Variants in AFF3 observed in about 807,000 individuals in gnomAD.
AFF3 encodes the protein ALF transcription elongation factor 3.
In AFF3, 32 loss-of-function variants were observed where a neutral mutation model predicts 129.7. That is an observed-to-expected ratio of 0.25 (90% CI 0.19 to 0.33). AFF3 has a LOEUF of 0.33. Ranked by LOEUF, AFF3 falls within the 10% of genes least tolerant of loss-of-function variation. The probability of loss-of-function intolerance (pLI) is 1.00; values close to 1 mark genes in which losing one functional copy is unlikely to be tolerated. For synonymous variants in AFF3, 644 were observed against 635.4 expected, an observed-to-expected ratio of 1.01 and a Z score of -0.20; for missense variants, 1,373 against 1,592.0, an observed-to-expected ratio of 0.86 and a Z score of 2.34.
At chr2:99,628,205 A>G (rs1445488682) in intron 13 of AFF3, among the ~76,000 whole-genome samples, 1 of 152,200 alleles carries the variant, frequency 6.6e-6, no homozygotes. Flanking sequence ...AAAGCATAAA[A>G]TGTTTATTCA....
At chr2:99,595,903 T>C (rs1679239287) in intron 14 of AFF3, among the ~76,000 whole-genome samples, 1 of 152,170 alleles carries the variant, frequency 6.6e-6, no homozygotes, top group Admixed American at 6.5e-5. Flanking sequence ...CCAAACCAGA[T>C]GGGACCAACT....
intron 7 of AFF3, among the ~76,000 whole-genome samples, chr2:99,863,521 A>G (rs1486059556): frequency 6.6e-6 from 1 of 152,226 alleles, no homozygotes; most frequent in East Asian, 1.9e-4. Flanking sequence ...GAGATACTGG[A>G]AAAATATTTG....
At chr2:99,887,366 G>T (rs1038145670) in intron 7 of AFF3, among the ~76,000 whole-genome samples, 1 of 152,176 alleles carries the variant, frequency 6.6e-6, no homozygotes, top group African/African-American at 2.4e-5. Context: ...TCATCTTTCA[G>T]CAAGAAAGAC....
rs150146115 is a variant in AFF3 at position 99,572,419 on chromosome 2, C to T, written c.2919-3504G>A. On this transcript the variant is annotated intron_variant, in intron 18 of 24. Transcript: ENST00000672756. ...CTTGCTTTTTGTTCTCCTTTGTGGCCGGGATAGAGTTGAATGGTCTCCCAC... is the reference window on the plus strand; with the variant it reads ...CTTGCTTTTTGTTCTCCTTTGTGGCTGGGATAGAGTTGAATGGTCTCCCAC... Among the ~76,000 whole-genome samples the T allele has an allele frequency of 6.2e-3, 942 of 151,438 alleles. 7 individuals are homozygous for T. The highest frequency in any genetic ancestry group is 0.021 in the African/African-American group (886 of 41,248).
At chr2:99,561,258 G>A (rs1429317245) in intron 20 of AFF3, among the ~76,000 whole-genome samples, 10 of 152,178 alleles carry the variant, frequency 6.6e-5, no homozygotes, top group East Asian at 1.9e-4. Flanking sequence ...CTAAGATAGC[G>A]TTTGTAAAGC....
chr2:100,114,496 C>T (rs1443449424), intron 2 of AFF3, among the ~76,000 whole-genome samples: 2 of 152,176 alleles, frequency 1.3e-5, no homozygotes, highest in East Asian at 3.9e-4. Context: ...AGTCTCCTAC[C>T]TCAGCCTCCC....
intron 10 of AFF3, among the ~76,000 whole-genome samples, chr2:99,735,320 A>C (rs929041141): frequency 1.3e-5 from 2 of 151,204 alleles, no homozygotes; most frequent in African/African-American, 4.9e-5. Flanking sequence ...AACTTCATTG[A>C]ATAAACTTTT....
chr2:99,936,085 A>T (rs1674499051), intron 7 of AFF3, among the ~76,000 whole-genome samples: 1 of 152,226 alleles, frequency 6.6e-6, no homozygotes, highest in Non-Finnish European at 1.5e-5. Flanking sequence ...CTAAAATCAG[A>T]AGAGGAAGAT....
At chr2:99,780,544 C>T (rs1490962889) in intron 8 of AFF3, among the ~76,000 whole-genome samples, 1 of 152,170 alleles carries the variant, frequency 6.6e-6, no homozygotes, top group Non-Finnish European at 1.5e-5. Context: ...CGCCTGAATG[C>T]CAAACTTGTG....
chr2:99,974,944 A>G (rs1238970016), intron 7 of AFF3, among the ~76,000 whole-genome samples: 1 of 152,228 alleles, frequency 6.6e-6, no homozygotes, highest in Admixed American at 6.5e-5. Context: ...GGAAGAAAAC[A>G]TCATCAGGTT....
intron 2 of AFF3, chr2:100,106,498 T>C (rs1691305383): frequency 3.0e-6 from 3 of 1,001,868 alleles, no homozygotes; most frequent in Non-Finnish European, 3.6e-6. Context: ...TTGTTGGAAA[T>C]GTTTGCTTTG....
intron 13 of AFF3, among the ~76,000 whole-genome samples, chr2:99,629,032 A>G (rs373539298): frequency 4.0e-5 from 6 of 150,890 alleles, no homozygotes; most frequent in African/African-American, 1.5e-4. Context: ...TAATTTTTGT[A>G]TTTTTAGTAG....
At chr2:100,099,701 C>A (rs1218971045) in intron 4 of AFF3, among the ~76,000 whole-genome samples, 1 of 152,164 alleles carries the variant, frequency 6.6e-6, no homozygotes, top group Non-Finnish European at 1.5e-5. Flanking sequence ...GGCTTATTCT[C>A]CTATTAAGTT....
At position 99,593,796 on chromosome 2, in the gene AFF3, G is replaced by T. The variant is rs774534077; in HGVS notation, c.1865C>A (p.Pro622Gln). 1 of 1,611,202 alleles carries T rather than the reference G, an allele frequency of 6.2e-7. No individual in the cohort carries two copies. The highest frequency in any genetic ancestry group is 8.5e-7 in the Non-Finnish European group (1 of 1,179,526). The change falls in exon 15 of 25, where the codon CCG becomes CAG. Residue 622 changes from proline to glutamine, a missense_variant. Around this residue, in one of 9 missense-constraint regions of AFF3, gnomAD observed 466 missense variants for 505.0 expected, o/e 0.92. Coordinates refer to ENST00000672756, the MANE Select transcript of AFF3 (RefSeq NM_001386135.1). ...ACAGGGCCTGGTTTTGGTGGGCTCC[G>T]GGGGGACCACCACGCTCGTCCCCAG... ...DALGTSVVVP[P>Q]EPTKTRPCGN...
At chr2:99,672,713 T>C in intron 11 of AFF3, 124 bp from the exon 12 acceptor site, 1 of 906,176 alleles carries the variant, frequency 1.1e-6, no homozygotes. Flanking sequence ...GTCTATTTGA[T>C]TTCCTATTTT....
rs112055592 is a variant in AFF3, at chr2:99,842,014, A to T, written c.874-4490T>A. Among the ~76,000 whole-genome samples the T allele has an allele frequency of 5.8e-3, 878 of 152,234 alleles. 8 individuals carry two copies. Among genetic ancestry groups the T allele is most frequent in the African/African-American group, 0.02 (849 of 41,544 alleles). Reference sequence around the variant, plus strand: ...CTCACTAGCTAATCTCCAACACTACACGTGTAGACCAAAGGGGGAAGAGAG... The same window carrying T: ...CTCACTAGCTAATCTCCAACACTACTCGTGTAGACCAAAGGGGGAAGAGAG... On this transcript the variant is annotated intron_variant, in intron 7 of 24. Transcript: ENST00000672756.
intron 11 of AFF3, chr2:99,707,006 A>C: frequency 1.4e-6 from 1 of 728,950 alleles, no homozygotes; most frequent in Non-Finnish European, 1.7e-6. Context: ...TTGCATATTC[A>C]GCAGACAGCA....
At chr2:99,961,806 GA>G (rs1677239422) in intron 7 of AFF3, among the ~76,000 whole-genome samples, 1 of 148,332 alleles carries the variant, frequency 6.7e-6, no homozygotes, top group South Asian at 2.1e-4. Flanking sequence ...TACAGCAACA[GA>G]AGGCAGTCCC....
At chr2:100,132,012 G>A (rs1363574538) in intron 1 of AFF3, among the ~76,000 whole-genome samples, 5 of 152,168 alleles carry the variant, frequency 3.3e-5, no homozygotes, top group East Asian at 1.9e-4. Flanking sequence ...GGACCGGCCC[G>A]CCACACACTC....
Sources: gnomAD v4.1 joint callset for allele counts (sites outside exome capture counted in the v4.1 genomes callset) on GRCh38, gnomAD v4.1.1 for gene constraint, gnomAD v4.1.1 regional missense constraint, MANE v1.5 for transcripts, NCBI Gene and HGNC (gene_info 2026-07-23, HGNC 2026-07-21) for gene names.